Variants in ADAMTS17 observed in about 807,000 individuals in gnomAD.
The protein encoded by ADAMTS17 is ADAM metallopeptidase with thrombospondin type 1 motif 17, also known as A disintegrin and metalloproteinase with thrombospondin motifs 17.
ADAMTS17 carries 113 observed loss-of-function variants against 141.5 expected under a neutral mutation model. The ratio of observed to expected loss-of-function variants is 0.80; its 90% CI spans 0.69 to 0.93. The LOEUF is 0.93. ADAMTS17 is among the 40% of genes least tolerant of loss of function. The pLI, the probability that ADAMTS17 is intolerant of heterozygous loss-of-function variation, is 0.00. For missense variants in ADAMTS17, 1,659 were observed against 1,517.9 expected, an observed-to-expected ratio of 1.09 and a Z score of -1.54; for synonymous variants, 768 against 630.6, an observed-to-expected ratio of 1.22 and a Z score of -3.27.
chr15:100,298,530 C>G (rs1385120508), intron 3 of ADAMTS17, among the ~76,000 whole-genome samples: 1 of 152,174 alleles, frequency 6.6e-6, no homozygotes, highest in Non-Finnish European at 1.5e-5. Context: ...CCCCAGATGG[C>G]AGAACCGTGT....
intron 15 of ADAMTS17, among the ~76,000 whole-genome samples, chr15:100,059,633 C>G (rs890881826): frequency 5.3e-5 from 8 of 152,310 alleles, no homozygotes; most frequent in Admixed American, 3.9e-4. Context: ...TCATTTTTAA[C>G]AGTGAATAAA....
chr15:100,339,495 A>G (rs2046300387), intron 2 of ADAMTS17, among the ~76,000 whole-genome samples: 1 of 152,168 alleles, frequency 6.6e-6, no homozygotes, highest in East Asian at 1.9e-4. Flanking sequence ...AGAACATGAT[A>G]CAGCCTTGAC....
At chr15:99,975,046 G>A (rs1019463588) in intron 21 of ADAMTS17, among the ~76,000 whole-genome samples, 1 of 152,190 alleles carries the variant, frequency 6.6e-6, no homozygotes, top group Non-Finnish European at 1.5e-5. Context: ...AAGCAGGCCG[G>A]TGCTTGAAAA....
chr15:100,084,784 T>C (rs775824685), intron 15 of ADAMTS17, among the ~76,000 whole-genome samples: 6 of 152,194 alleles, frequency 3.9e-5, no homozygotes, highest in Non-Finnish European at 7.3e-5. Context: ...CTGAGGGTCC[T>C]CACTGTCAGA....
rs910361806 is a variant in ADAMTS17, at chr15:99,973,896, G to A, written c.*506C>T. 9.3e-6 allele frequency: 2 copies of A among 216,152 alleles called. No homozygotes were observed. The highest frequency in any genetic ancestry group is 2.3e-5 in the African/African-American group (1 of 42,752). The allele number at this position is 216,152 out of a possible 1,614,324, so 13.4% of individuals were successfully genotyped here. A position where few individuals can be genotyped will look rare whatever the true frequency, so the allele number is the denominator to read the frequency against. Reference sequence around the variant, plus strand: ...ATGTGGTCAAGAAGGTAGATGGAGAGAAACGTGTGCTAAGCAGCCCGGCCC... The same window carrying A: ...ATGTGGTCAAGAAGGTAGATGGAGAAAAACGTGTGCTAAGCAGCCCGGCCC... On this transcript the variant is annotated 3_prime_UTR_variant, in exon 22 of 22. Coordinates refer to ENST00000268070, the MANE Select transcript of ADAMTS17 (RefSeq NM_139057.4).
At chr15:100,324,022 CTCA>C (rs2045819289) in intron 3 of ADAMTS17, among the ~76,000 whole-genome samples, 1 of 108,796 alleles carries the variant, frequency 9.2e-6, no homozygotes, top group Admixed American at 1.1e-4. Context: ...GTTCCTTTCT[CTCA>C]AAAAAAAAAA....
intron 18 of ADAMTS17, among the ~76,000 whole-genome samples, chr15:100,007,867 G>A (rs2061068452): frequency 6.6e-6 from 1 of 152,146 alleles, no homozygotes; most frequent in Admixed American, 6.5e-5. Context: ...AAGGTAAGAA[G>A]GGATCATCCA....
intron 20 of ADAMTS17, among the ~76,000 whole-genome samples, chr15:99,983,949 C>T (rs190337001): frequency 2.6e-5 from 4 of 152,172 alleles, no homozygotes; most frequent in East Asian, 1.9e-4. Flanking sequence ...TTGGCATGAG[C>T]GAGGAAAACC....
intron 4 of ADAMTS17, among the ~76,000 whole-genome samples, chr15:100,268,975 ACAT>A (rs71151944): frequency 0.74 from 112,070 of 151,632 alleles, 41,708 homozygotes; most frequent in East Asian, 0.95. Context: ...AAATAATGCC[ACAT>A]CATACCTACA....
chr15:100,114,422 T>C (rs1009915153), intron 13 of ADAMTS17, among the ~76,000 whole-genome samples: 2 of 152,164 alleles, frequency 1.3e-5, no homozygotes, highest in Non-Finnish European at 2.9e-5. Context: ...CCTTCTAAAT[T>C]GGCCATCTAT....
intron 6 of ADAMTS17, among the ~76,000 whole-genome samples, chr15:100,260,559 A>C (rs2043480843): frequency 6.6e-6 from 1 of 151,812 alleles, no homozygotes; most frequent in South Asian, 2.1e-4. Flanking sequence ...GGTTGCAGTG[A>C]GCCAGGATTG....
At chr15:99,988,909 C>G (rs2060641276) in intron 20 of ADAMTS17, among the ~76,000 whole-genome samples, 1 of 152,174 alleles carries the variant, frequency 6.6e-6, no homozygotes, top group African/African-American at 2.4e-5. Context: ...ATGTTATTCC[C>G]ATTCATGTTT....
chr15:100,223,428 T>G (rs1371732374), intron 7 of ADAMTS17, among the ~76,000 whole-genome samples: 1 of 152,156 alleles, frequency 6.6e-6, no homozygotes, highest in Non-Finnish European at 1.5e-5. Flanking sequence ...TACTTCTGCA[T>G]GAAGTATATA....
chr15:100,132,439 G>A (rs1397240559), intron 11 of ADAMTS17, among the ~76,000 whole-genome samples: 1 of 152,214 alleles, frequency 6.6e-6, no homozygotes, highest in African/African-American at 2.4e-5. Flanking sequence ...CGTAGCTCTT[G>A]AAGAGACCTG....
chr15:100,110,153 C>A (rs1384337085), intron 13 of ADAMTS17, among the ~76,000 whole-genome samples: 2 of 127,348 alleles, frequency 1.6e-5, no homozygotes, highest in Non-Finnish European at 3.1e-5. Context: ...GGACCTGGCT[C>A]ACAGAAAGAC....
chr15:100,303,742 G>C (rs1344548868), intron 3 of ADAMTS17, among the ~76,000 whole-genome samples: 1 of 151,990 alleles, frequency 6.6e-6, no homozygotes, highest in Admixed American at 6.6e-5. Flanking sequence ...TTTTTGAGAA[G>C]GAGTTTCTCT....
chr15:100,075,789 T>C (rs750327411), intron 15 of ADAMTS17, among the ~76,000 whole-genome samples: 11 of 152,210 alleles, frequency 7.2e-5, no homozygotes, highest in Non-Finnish European at 1.6e-4. Context: ...TCTTTTATCC[T>C]GGGACTTTTT....
At chr15:100,018,694 C>G (rs565711807) in intron 18 of ADAMTS17, among the ~76,000 whole-genome samples, 3 of 152,212 alleles carry the variant, frequency 2.0e-5, no homozygotes, top group African/African-American at 7.2e-5. Flanking sequence ...TTTACATTAT[C>G]CAGTCTCAGG....
intron 18 of ADAMTS17, among the ~76,000 whole-genome samples, chr15:100,022,740 G>A (rs1045305429): frequency 6.6e-6 from 1 of 152,126 alleles, no homozygotes; most frequent in African/African-American, 2.4e-5. Context: ...GAGAGTCTTG[G>A]CATGGGAGGA....
Sources: gnomAD v4.1 joint callset for allele counts (sites outside exome capture counted in the v4.1 genomes callset) on GRCh38, gnomAD v4.1.1 for gene constraint, MANE v1.5 for transcripts, NCBI Gene and HGNC (gene_info 2026-07-23, HGNC 2026-07-21) for gene names.